Variants in SEPTIN4 observed in about 807,000 individuals in gnomAD.
The protein encoded by SEPTIN4 is septin-4.
In SEPTIN4, 52 loss-of-function variants were observed where a neutral mutation model predicts 107.1. The observed-to-expected ratio is 0.49, with a 90% CI of 0.39 to 0.61. The LOEUF (loss-of-function observed/expected upper bound fraction) is 0.61, where lower values mean the gene tolerates loss of function less well. Ranked by LOEUF, SEPTIN4 falls within the 20% of genes least tolerant of loss-of-function variation. The pLI is 0.00. For synonymous variants in SEPTIN4, 417 were observed against 467.0 expected (o/e 0.89, Z 1.38); for missense variants, 1,048 against 1,243.5 (o/e 0.84, Z 2.36).
intron 3 of SEPTIN4, 130 bp from the exon 4 acceptor site, chr17:58,527,108 A>G (rs1294839447): frequency 5.5e-6 from 8 of 1,464,698 alleles, no homozygotes; most frequent in Non-Finnish European, 7.6e-6. Context: ...TTAGAAGAAA[A>G]AGAAACTGCA....
chr17:58,527,438 GA>G lies in SEPTIN4; in HGVS notation c.1615-461del. On this transcript the variant is annotated intron_variant, in intron 3 of 13. Coordinates refer to ENST00000672673, the MANE Select transcript of SEPTIN4 (RefSeq NM_001368771.2). ...GTGCATCAGAATGGGGCAGGGACAT[GA>G]GGGAAGTAGGCAGGGGAGAAGAAAG... The G allele has an allele frequency of 1.3e-5, 4 of 297,002 alleles. 1 individual carries two copies. The East Asian group carries it at 3.6e-4, about 27-fold the overall frequency. 18.4% of individuals were successfully genotyped at this position (297,002 alleles called of 1,614,324 possible). A position where few individuals can be genotyped will look rare whatever the true frequency, so the allele number is the denominator to read the frequency against.
rs200346125 is a variant in SEPTIN4, at chr17:58,521,738, T to G, written c.2467A>C (p.Lys823Gln). Reference sequence around the variant, plus strand: ...CTCCCACCACCAGCTTCCCTCACTTTGCGTTTCTTGTGGTCCACTTCGGGA... The same window carrying G: ...CTCCCACCACCAGCTTCCCTCACTTGGCGTTTCTTGTGGTCCACTTCGGGA... ...TPPEVDHKKR[K>Q]IREEIEHFGI... The change falls in exon 9 of 14, where the codon AAA becomes CAA. Residue 823 changes from lysine (K) to glutamine (Q), a missense_variant and splice_region_variant. Lys to Gln is a moderately conservative substitution (Grantham distance 53). Coordinates refer to ENST00000672673, the MANE Select transcript of SEPTIN4 (RefSeq NM_001368771.2). The surrounding 1 kb of genome is among the most constrained non-coding windows in gnomAD (Gnocchi z 6.4). The G allele has an allele frequency of 6.2e-7, 1 of 1,614,244 alleles. No homozygotes were observed. Among genetic ancestry groups the G allele is most frequent in the East Asian group, 2.2e-5 (1 of 44,882 alleles).
At position 58,542,669 on chromosome 17, in the gene SEPTIN4, G is replaced by A. The variant is rs778600357; in HGVS notation, c.1518C>T (p.His506=). ...ACCTTTGAATGGGTTGTTTGCAGGT[G>A]TGCTTGGGGGTCTGTGGCACTTCAC... The part of the protein sequence containing the change: ...PLSEVPQTPK[H]TCKQPIQRFT... Residue 506 remains histidine (H), a synonymous_variant, in exon 1 of 14, where the codon CAC becomes CAT. Transcript: ENST00000672673. The A allele has an allele frequency of 1.4e-5, 22 of 1,613,914 alleles. No homozygotes were observed. The highest frequency in any genetic ancestry group is 7.7e-5 in the South Asian group (7 of 91,070).
intron 2 of SEPTIN4, 110 bp from the exon 3 acceptor site, chr17:58,540,783 T>C: frequency 8.4e-7 from 1 of 1,187,108 alleles, no homozygotes; most frequent in East Asian, 3.2e-5. Flanking sequence ...CCAGTGGACT[T>C]GGGCAAACCT....
chr17:58,526,543 T>G, intron 4 of SEPTIN4, 139 bp downstream of exon 4: 1 of 1,397,978 alleles, frequency 7.2e-7, no homozygotes, highest in Non-Finnish European at 9.2e-7. Flanking sequence ...GACACAGGAC[T>G]GAAATAGGTC....
At chr17:58,528,435 C>G (rs1055285461) in intron 3 of SEPTIN4, 1 of 152,388 alleles carries the variant, frequency 6.6e-6, no homozygotes, top group African/African-American at 2.4e-5. Context: ...CTAGAACCAG[C>G]AGATGGAGGC....
At chr17:58,530,425 C>G (rs2043356466) in intron 3 of SEPTIN4, 1 of 152,266 alleles carries the variant, frequency 6.6e-6, no homozygotes, top group Non-Finnish European at 1.5e-5. Flanking sequence ...CCCAAAGCAG[C>G]TAGGACACTG....
At chr17:58,520,639 C>T in intron 13 of SEPTIN4, 104 bp downstream of exon 13, 1 of 1,540,816 alleles carries the variant, frequency 6.5e-7, no homozygotes, top group South Asian at 1.1e-5. Flanking sequence ...CTATCCAGGA[C>T]CCAAATATGC....
At chr17:58,529,187 A>G in intron 3 of SEPTIN4, 1 of 1,614,200 alleles carries the variant, frequency 6.2e-7, no homozygotes, top group Non-Finnish European at 8.5e-7. Flanking sequence ...CCCACGCTTC[A>G]GACTCCCTGT....
chr17:58,536,238 T>A (rs1318217442), intron 3 of SEPTIN4, among the ~76,000 whole-genome samples: 1 of 152,210 alleles, frequency 6.6e-6, no homozygotes, highest in East Asian at 1.9e-4. Flanking sequence ...AATCCACTCA[T>A]AGGTTACTAT....
In SEPTIN4 at chr17:58,529,481, C is replaced by T. The variant is rs369980454; in HGVS notation, c.1615-2503G>A. On this transcript the variant is annotated intron_variant, in intron 3 of 13. Transcript: ENST00000672673. ...CCTCCTCTGATTGGCTGTCCCATGACGCCTGCCTGCTGCCTACCCTGGTGG... is the reference window on the plus strand; with the variant it reads ...CCTCCTCTGATTGGCTGTCCCATGATGCCTGCCTGCTGCCTACCCTGGTGG... The T allele has an allele frequency of 4.9e-5, 62 of 1,277,170 alleles. No individual in the cohort carries two copies. The South Asian group carries it at 7.0e-4, about 14-fold the overall frequency. 79.1% of individuals were successfully genotyped at this position (1,277,170 alleles called of 1,614,324 possible). A position where few individuals can be genotyped will look rare whatever the true frequency, so the allele number is the denominator to read the frequency against.
At chr17:58,540,345 C>T (rs2043843575) in intron 3 of SEPTIN4, among the ~76,000 whole-genome samples, 1 of 152,232 alleles carries the variant, frequency 6.6e-6, no homozygotes, top group Admixed American at 6.5e-5. Context: ...TCCCACAGAG[C>T]ACTTGGCAAG....
intron 6 of SEPTIN4, chr17:58,525,483 A>C (rs1435247599): frequency 1.6e-6 from 1 of 612,314 alleles, no homozygotes; most frequent in Non-Finnish European, 2.9e-6. Flanking sequence ...TCATTCAGAG[A>C]GCAAGACTCT....
chr17:58,540,726 CAG>C (rs2043857394), intron 2 of SEPTIN4, 53 bp from the exon 3 acceptor site: 6 of 1,321,286 alleles, frequency 4.5e-6, no homozygotes, highest in East Asian at 3.1e-5. Flanking sequence ...AAATGGAATT[CAG>C]AGAGTGCCAA....
chr17:58,532,091 G>A lies in SEPTIN4; in HGVS notation c.1615-5113C>T, dbSNP rs1469952468. The A allele has an allele frequency of 3.7e-6, 4 of 1,077,212 alleles. No individual in the cohort carries two copies. In the African/African-American group the frequency reaches 5.1e-5, roughly 14 times the overall value. 66.7% of individuals were successfully genotyped at this position (1,077,212 alleles called of 1,614,324 possible). On this transcript the variant is annotated intron_variant, in intron 3 of 13. Transcript: ENST00000672673. ...CCCGAGTGCGGACCGCTGCGGGAGG[G>A]GCCCGGCGGCGGGGGCGGAGCGAGT...
At chr17:58,528,840 T>C (rs2043196691) in intron 3 of SEPTIN4, among the ~76,000 whole-genome samples, 1 of 152,128 alleles carries the variant, frequency 6.6e-6, no homozygotes, top group Non-Finnish European at 1.5e-5. Context: ...AGGAAGGCCC[T>C]AATGAAGATC....
chr17:58,541,943 G>C lies in SEPTIN4; in HGVS notation c.1585C>G (p.Arg529Gly), dbSNP rs576889733. The change falls in exon 2 of 14, where the codon CGT (arginine) becomes GGT (glycine). Residue 529 changes from arginine to glycine, a missense_variant. Arg to Gly is a moderately radical substitution (Grantham distance 125). Coordinates refer to ENST00000672673, the MANE Select transcript of SEPTIN4 (RefSeq NM_001368771.2). Reference sequence around the variant, plus strand: ...AGACCTTTTAGCCACCAGATGACACGATTGTACATTTCCTCAGAGACATCT... The same window carrying C: ...AGACCTTTTAGCCACCAGATGACACCATTGTACATTTCCTCAGAGACATCT... ...FLDVSEEMYN[R>G]VIWWLKDEEI... The C allele has an allele frequency of 1.2e-6, 2 of 1,613,884 alleles. No individual in the cohort carries two copies. Among genetic ancestry groups the C allele is most frequent in the South Asian group, 2.2e-5 (2 of 91,072 alleles).
Position 58,521,490 on chromosome 17 carries a change from C to A in SEPTIN4, c.2571+55G>T. The A allele has an allele frequency of 6.3e-7, 1 of 1,599,716 alleles. No individual in the cohort carries two copies. The highest frequency in any genetic ancestry group is 8.6e-7 in the Non-Finnish European group (1 of 1,167,360). The stretch of plus-strand genomic sequence containing the variant: ...TAGCCTGAATATAGAATTCTACTCC[C>A]TTTTTCTACCCGGAAGAAATAAGAT... On this transcript the variant is annotated intron_variant, in intron 10 of 13. Coordinates refer to ENST00000672673, the MANE Select transcript of SEPTIN4 (RefSeq NM_001368771.2). The surrounding 1 kb of genome is among the most constrained non-coding windows in gnomAD (Gnocchi z 6.4).
chr17:58,525,971 TCA>T (rs2042815507), intron 5 of SEPTIN4, among the ~76,000 whole-genome samples, 190 bp from the exon 6 acceptor site: 2 of 151,740 alleles, frequency 1.3e-5, no homozygotes, highest in Admixed American at 1.3e-4. Context: ...TTGCCCAGGG[TCA>T]CACAAAAAGA....
Sources: gnomAD v4.1 joint callset for allele counts (sites outside exome capture counted in the v4.1 genomes callset) on GRCh38, gnomAD v4.1.1 for gene constraint, Gnocchi (gnomAD v3.1) non-coding constraint, MANE v1.5 for transcripts, NCBI Gene and HGNC (gene_info 2026-07-23, HGNC 2026-07-21) for gene names.